Variants in LHFPL4 observed in about 807,000 individuals in gnomAD.
LHFPL4 encodes LHFPL tetraspan subfamily member 4 protein.
Under a neutral mutation model 20.0 loss-of-function variants are expected in LHFPL4, and 6 were observed. The ratio of observed to expected loss-of-function variants is 0.30; its 90% CI spans 0.16 to 0.59. The LOEUF is 0.59. Among genes scored for constraint, LHFPL4 ranks in the 20% least tolerant of loss-of-function variants. The pLI is 0.88. For missense variants in LHFPL4, 215 were observed against 331.2 expected, an observed-to-expected ratio of 0.65 and a Z score of 2.72; for synonymous variants, 129 against 143.8, an observed-to-expected ratio of 0.90 and a Z score of 0.74.
At chr3:9,521,478 T>C (rs2046337347) in intron 2 of LHFPL4, among the ~76,000 whole-genome samples, 1 of 151,886 alleles carries the variant, frequency 6.6e-6, no homozygotes, top group South Asian at 2.1e-4. Flanking sequence ...CTCAGCTCAC[T>C]GCAAGCTCCA....
At chr3:9,503,245 T>C (rs1281710236) in intron 3 of LHFPL4, among the ~76,000 whole-genome samples, 1 of 152,094 alleles carries the variant, frequency 6.6e-6, no homozygotes, top group Non-Finnish European at 1.5e-5. Flanking sequence ...CTCCTTTACA[T>C]TGATTTTTAA....
At chr3:9,544,169 G>C (rs1052832441) in intron 2 of LHFPL4, among the ~76,000 whole-genome samples, 2 of 152,054 alleles carry the variant, frequency 1.3e-5, no homozygotes, top group South Asian at 2.1e-4. Context: ...AAACAGGTGG[G>C]GGAGAGGATG....
chr3:9,547,197 C>T (rs1042489309), intron 2 of LHFPL4, among the ~76,000 whole-genome samples: 2 of 152,164 alleles, frequency 1.3e-5, no homozygotes, highest in African/African-American at 2.4e-5. Context: ...CTATGTTGCC[C>T]AGGCTGGTCT....
intron 2 of LHFPL4, among the ~76,000 whole-genome samples, chr3:9,535,933 C>T (rs1049323220): frequency 2.0e-5 from 3 of 152,198 alleles, no homozygotes; most frequent in African/African-American, 7.2e-5. Flanking sequence ...TCCTGAATAG[C>T]TGAGACTACA....
intron 2 of LHFPL4, among the ~76,000 whole-genome samples, chr3:9,546,237 C>T (rs928964755): frequency 6.6e-6 from 1 of 151,668 alleles, no homozygotes; most frequent in East Asian, 1.9e-4. Context: ...ATCGCTTGAA[C>T]CCGGGAGACA....
chr3:9,530,909 T>C (rs551327100), intron 2 of LHFPL4, among the ~76,000 whole-genome samples: 1 of 152,212 alleles, frequency 6.6e-6, no homozygotes, highest in South Asian at 2.1e-4. Context: ...CACATTTCAA[T>C]CTTTTGATTT....
Position 9,552,758 on chromosome 3 carries a change from G to T in LHFPL4, c.-79C>A. ...GGGACGGAGCGCCGGGCTGCCGGGC[G>T]GGAGCTGGGGACGCACGCGAGAAGC... On this transcript the variant is annotated 5_prime_UTR_variant, in exon 2 of 4. Coordinates refer to ENST00000287585, the MANE Select transcript of LHFPL4 (RefSeq NM_198560.3). 1.1e-6 allele frequency: 1 copy of T among 875,226 alleles called. No homozygotes were observed. Among genetic ancestry groups the T allele is most frequent in the African/African-American group, 1.8e-5 (1 of 54,812 alleles). 54.2% of individuals were successfully genotyped at this position (875,226 alleles called of 1,614,324 possible).
chr3:9,523,566 T>C (rs1283666412), intron 2 of LHFPL4, among the ~76,000 whole-genome samples: 1 of 151,142 alleles, frequency 6.6e-6, no homozygotes, highest in Non-Finnish European at 1.5e-5. Flanking sequence ...TCCGCCTCCC[T>C]GGCTCAAGCA....
At position 9,498,376 on chromosome 3, in the gene LHFPL4, G is replaced by A. The variant is rs918320533; in HGVS notation, c.*3835C>T. ...GCAGCCAGCGTGGGTGATAGAAAGT[G>A]TTTCTTTATTTGAATGTCATTCCAC... On this transcript the variant is annotated 3_prime_UTR_variant, in exon 4 of 4. Transcript: ENST00000287585. 3.9e-5 allele frequency: 6 copies of A among 152,580 alleles called. No homozygotes were observed. Among genetic ancestry groups the A allele is most frequent in the African/African-American group, 1.2e-4 (5 of 41,420 alleles). 9.5% of individuals were successfully genotyped at this position (152,580 alleles called of 1,614,324 possible). A position where few individuals can be genotyped will look rare whatever the true frequency, so the allele number is the denominator to read the frequency against.
At chr3:9,546,650 T>C (rs1473019879) in intron 2 of LHFPL4, among the ~76,000 whole-genome samples, 1 of 152,064 alleles carries the variant, frequency 6.6e-6, no homozygotes, top group Admixed American at 6.6e-5. Context: ...AATGAGGGAG[T>C]TGGGGAAGTG....
intron 2 of LHFPL4, among the ~76,000 whole-genome samples, chr3:9,530,525 G>A (rs2046402523): frequency 6.6e-6 from 1 of 152,206 alleles, no homozygotes. Flanking sequence ...AAGGAATGCT[G>A]TGCTGGTTTG....
chr3:9,509,031 G>A (rs1219810275), intron 2 of LHFPL4, among the ~76,000 whole-genome samples: 1 of 152,194 alleles, frequency 6.6e-6, no homozygotes, highest in Non-Finnish European at 1.5e-5. Context: ...CCCCGTCTCC[G>A]TGGAAACCGG....
chr3:9,503,481 A>C (rs369370834), intron 3 of LHFPL4, among the ~76,000 whole-genome samples: 1 of 152,318 alleles, frequency 6.6e-6, no homozygotes, highest in African/African-American at 2.4e-5. Context: ...CTCTGAGTAC[A>C]GGTTAGCAGA....
Position 9,524,779 on chromosome 3 carries a change from C to T in LHFPL4, c.407-18576G>A, listed in dbSNP as rs561768989. Among the ~76,000 whole-genome samples, 11 of 152,306 alleles carry T rather than the reference C, an allele frequency of 7.2e-5. No homozygotes were observed. The South Asian group carries it at 2.1e-3, about 29-fold the overall frequency. On this transcript the variant is annotated intron_variant, in intron 2 of 3. Coordinates refer to ENST00000287585, the MANE Select transcript of LHFPL4 (RefSeq NM_198560.3). ...CACATATTTGCTCTGTCTCTTCAAA[C>T]TGTGTTTTTGCCTTTTAGTATCCCT...
At chr3:9,529,873 C>T (rs1287115785) in intron 2 of LHFPL4, among the ~76,000 whole-genome samples, 1 of 151,364 alleles carries the variant, frequency 6.6e-6, no homozygotes, top group African/African-American at 2.4e-5. Flanking sequence ...CCTTCTGATC[C>T]ACCCACCTCA....
At position 9,552,616 on chromosome 3, in the gene LHFPL4, T is replaced by C. The variant is rs377128905; in HGVS notation, c.64A>G (p.Ile22Val). 3.1e-6 allele frequency: 5 copies of C among 1,613,664 alleles called. No individual in the cohort carries two copies. Among genetic ancestry groups the C allele is most frequent in the African/African-American group, 1.3e-5 (1 of 74,894 alleles). ...GTGAAGATGGCCCACAGCACGCCGA[T>C]GGCCCGCGAGTTCCGCATGTAGTGC... ...HEHYMRNSRA[I>V]GVLWAIFTIC... The change falls in exon 2 of 4, where the codon ATC becomes GTC. Residue 22 changes from isoleucine to valine, a missense_variant. Coordinates refer to ENST00000287585, the MANE Select transcript of LHFPL4 (RefSeq NM_198560.3).
intron 2 of LHFPL4, among the ~76,000 whole-genome samples, chr3:9,552,048 G>A (rs2046558434): frequency 6.6e-6 from 1 of 151,956 alleles, no homozygotes; most frequent in Middle Eastern, 3.2e-3. Flanking sequence ...CCATACCCAA[G>A]CATACAGACC....
chr3:9,542,326 A>G (rs2046482037), intron 2 of LHFPL4, among the ~76,000 whole-genome samples: 1 of 152,122 alleles, frequency 6.6e-6, no homozygotes, highest in Admixed American at 6.6e-5. Flanking sequence ...TGTTTATAGC[A>G]TTCTTCATAA....
chr3:9,521,165 G>A (rs1339939470), intron 2 of LHFPL4, among the ~76,000 whole-genome samples: 1 of 151,058 alleles, frequency 6.6e-6, no homozygotes, highest in Non-Finnish European at 1.5e-5. Context: ...AACTTTCTTT[G>A]CCATGAAGTT....
Sources: allele counts gnomAD v4.1 joint callset (sites outside exome capture counted in the v4.1 genomes callset), GRCh38; gene constraint gnomAD v4.1.1; transcripts MANE v1.5; gene names NCBI Gene and HGNC (gene_info 2026-07-23, HGNC 2026-07-21).